The following ZC3H12B variants were observed in gnomAD, a reference collection of about 807,000 sequenced individuals.
ZC3H12B encodes the protein probable ribonuclease ZC3H12B.
Under a neutral mutation model 43.9 loss-of-function variants are expected in ZC3H12B, and 7 were observed. The observed-to-expected ratio is 0.16, with a 90% CI of 0.09 to 0.30. The LOEUF is 0.30. ZC3H12B is among the 10% of genes least tolerant of loss of function. The probability of loss-of-function intolerance (pLI) is 1.00; values close to 1 mark genes in which losing one functional copy is unlikely to be tolerated. For missense variants in ZC3H12B, 475 were observed against 670.2 expected (o/e 0.71, Z 3.22); for synonymous variants, 222 against 241.7 (o/e 0.92, Z 0.76).
chrX:65,166,850 G>A, the ZC3H12B span, among the ~76,000 whole-genome samples: 5 of 112,029 alleles, frequency 4.5e-5, no homozygotes, highest in African/African-American at 1.3e-4. Flanking sequence ...CTTTTGAGAA[G>A]TGTCTGTTCA....
At chrX:65,497,080 T>C (rs753559776) in intron 1 of ZC3H12B, 52 bp from the exon 7 acceptor site, 4 of 1,109,228 alleles carry the variant, frequency 3.6e-6, no homozygotes, top group Non-Finnish European at 4.9e-6. Context: ...TTCAGATATT[T>C]CTTTGCTATC....
At chrX:65,091,750 G>A in the ZC3H12B span, among the ~76,000 whole-genome samples, 5 of 111,967 alleles carry the variant, frequency 4.5e-5, no homozygotes, top group Admixed American at 9.5e-5. Flanking sequence ...TTCAAATACC[G>A]GTTTGTAGTT....
intron 2 of ZC3H12B, among the ~76,000 whole-genome samples, chrX:65,390,345 G>A (rs1244666558): frequency 9.1e-6 from 1 of 110,490 alleles, no homozygotes; most frequent in Non-Finnish European, 1.9e-5. Flanking sequence ...CATGGCACAA[G>A]TATACATATG....
chrX:65,345,411 T>C, the ZC3H12B span, among the ~76,000 whole-genome samples: 1 of 111,435 alleles, frequency 9.0e-6, no homozygotes, highest in South Asian at 3.7e-4. Context: ...ATGTATGGAG[T>C]TGGGGTCCAT....
chrX:65,176,486 G>A, the ZC3H12B span, among the ~76,000 whole-genome samples: 2 of 111,599 alleles, frequency 1.8e-5, no homozygotes, highest in African/African-American at 6.5e-5. Context: ...GTTCCTGCCT[G>A]GCAGCTCTGA....
chrX:65,396,580 CTTTTTTTT>C (rs371460867), intron 2 of ZC3H12B, among the ~76,000 whole-genome samples: 1 of 100,049 alleles, frequency 1.0e-5, no homozygotes, highest in Non-Finnish European at 2.1e-5. Flanking sequence ...TTGTTTTTGT[CTTTTTTTT>C]TTTCGCATTT....
chrX:65,079,515 G>T, the ZC3H12B span, among the ~76,000 whole-genome samples: 1 of 112,492 alleles, frequency 8.9e-6, no homozygotes, highest in Non-Finnish European at 1.9e-5. Context: ...CCACCTATAA[G>T]TGGCTTGGAG....
At chrX:65,241,615 G>C in the ZC3H12B span, among the ~76,000 whole-genome samples, 163 of 112,964 alleles carry the variant, frequency 1.4e-3, no homozygotes, top group African/African-American at 4.3e-3. Context: ...CAGCTGTGCT[G>C]CATTGTGTGG....
At chrX:65,295,810 T>C in the ZC3H12B span, among the ~76,000 whole-genome samples, 16 of 111,139 alleles carry the variant, frequency 1.4e-4, no homozygotes, top group Admixed American at 8.6e-4. Flanking sequence ...CTTGCAGAGA[T>C]AGATAAATTC....
At chrX:65,316,820 C>A in the ZC3H12B span, among the ~76,000 whole-genome samples, 1 of 111,234 alleles carries the variant, frequency 9.0e-6, no homozygotes, top group Admixed American at 9.6e-5. Flanking sequence ...AGTAAAAGGG[C>A]TAAATAACTG....
At chrX:65,370,719 A>G (rs1378498168) in intron 2 of ZC3H12B, among the ~76,000 whole-genome samples, 1 of 111,922 alleles carries the variant, frequency 8.9e-6, no homozygotes, top group Non-Finnish European at 1.9e-5. Flanking sequence ...GTGTGAAAGA[A>G]TTGCCTTCTA....
intron 3 of ZC3H12B, among the ~76,000 whole-genome samples, chrX:65,425,957 G>A (rs1247741797): frequency 1.8e-5 from 2 of 111,220 alleles, no homozygotes; most frequent in Non-Finnish European, 3.8e-5. Context: ...TTGGTATCAG[G>A]ATGATGTTGA....
At chrX:65,120,386 G>T in the ZC3H12B span, among the ~76,000 whole-genome samples, 2 of 111,243 alleles carry the variant, frequency 1.8e-5, no homozygotes, top group African/African-American at 6.5e-5. Context: ...TGGATTCCTA[G>T]GTATTTTATT....
the ZC3H12B span, among the ~76,000 whole-genome samples, chrX:65,123,545 A>C: frequency 9.1e-6 from 1 of 110,083 alleles, no homozygotes; most frequent in Non-Finnish European, 1.9e-5. Flanking sequence ...TTCGAATTGC[A>C]TTGAATTTGT....
chrX:65,373,584 C>G (rs775508463), intron 2 of ZC3H12B, among the ~76,000 whole-genome samples: 1,129 of 107,938 alleles, frequency 0.01, 6 homozygotes, highest in Non-Finnish European at 0.016. Flanking sequence ...AGTTCATGTC[C>G]TTTGTAGGGA....
intron 3 of ZC3H12B, among the ~76,000 whole-genome samples, chrX:65,454,317 A>G (rs1320104471): frequency 8.9e-6 from 1 of 112,504 alleles, no homozygotes; most frequent in Non-Finnish European, 1.9e-5. Flanking sequence ...AGCAAAGAGC[A>G]CACCAGGAGA....
chrX:65,165,894 T>A, the ZC3H12B span, among the ~76,000 whole-genome samples: 164 of 112,434 alleles, frequency 1.5e-3, 2 homozygotes, highest in African/African-American at 5.2e-3. Context: ...AAGGTTGATC[T>A]AATTTACACT....
At chrX:65,305,435 A>T in the ZC3H12B span, among the ~76,000 whole-genome samples, 1 of 111,818 alleles carries the variant, frequency 8.9e-6, no homozygotes, top group East Asian at 2.8e-4. Context: ...TTGGAATCAG[A>T]CTCATTAAGA....
chrX:65,195,665 C>A, the ZC3H12B span, among the ~76,000 whole-genome samples: 1 of 112,388 alleles, frequency 8.9e-6, no homozygotes, highest in Non-Finnish European at 1.9e-5. Context: ...GTTTGCATAG[C>A]TTCAGATTGC....
Sources: gnomAD v4.1 joint callset for allele counts (sites outside exome capture counted in the v4.1 genomes callset) on GRCh38, gnomAD v4.1.1 for gene constraint, MANE v1.5 for transcripts, NCBI Gene and HGNC (gene_info 2026-07-23, HGNC 2026-07-21) for gene names.